PKNOX2: variants seen among roughly 807,000 people sequenced by gnomAD.
The protein encoded by PKNOX2 is PBX/knotted 1 homeobox 2.
A neutral mutation model predicts 53.1 loss-of-function variants in PKNOX2; 14 were observed. That is an observed-to-expected ratio of 0.26 (90% CI 0.17 to 0.41). The LOEUF (loss-of-function observed/expected upper bound fraction) is 0.41, where lower values mean the gene tolerates loss of function less well. PKNOX2 is among the 10% of genes least tolerant of loss of function. The pLI, the probability that PKNOX2 is intolerant of heterozygous loss-of-function variation, is 1.00. For missense variants in PKNOX2, 496 were observed against 602.8 expected (o/e 0.82, Z 1.85); for synonymous variants, 257 against 242.8 (o/e 1.06, Z -0.54).
chr11:125,176,253 C>T (rs1467103673), intron 1 of PKNOX2, among the ~76,000 whole-genome samples: 3 of 152,228 alleles, frequency 2.0e-5, no homozygotes, highest in Non-Finnish European at 4.4e-5. Flanking sequence ...AGGGGGTTGG[C>T]CTCTGCCAGG....
Position 125,306,592 on chromosome 11 carries a change from A to G in PKNOX2, c.-129-25227A>G, listed in dbSNP as rs78926232. ...GCATTAACATTAACATTTCCCAGAC[A>G]GTTATTGTGAGATAATGGTCCCAGC... is the stretch of plus-strand genomic sequence containing the variant. On this transcript the variant is annotated intron_variant, in intron 2 of 12. Transcript: ENST00000298282. Among the ~76,000 whole-genome samples, 792 of 152,358 alleles carry G rather than the reference A, an allele frequency of 5.2e-3. 4 individuals carry two copies. The highest frequency in any genetic ancestry group is 0.021 in the South Asian group (100 of 4,832).
chr11:125,324,120 CTTG>C (rs1949693080), intron 2 of PKNOX2, among the ~76,000 whole-genome samples: 1 of 152,094 alleles, frequency 6.6e-6, no homozygotes, highest in Non-Finnish European at 1.5e-5. Context: ...AAGAATTCTT[CTTG>C]TTTATTTCCC....
chr11:125,335,919 G>A (rs1950413220), intron 3 of PKNOX2, among the ~76,000 whole-genome samples: 1 of 152,178 alleles, frequency 6.6e-6, no homozygotes, highest in Non-Finnish European at 1.5e-5. Flanking sequence ...GGAAGTGGGT[G>A]CGTGGTCAGA....
intron 1 of PKNOX2, among the ~76,000 whole-genome samples, chr11:125,182,486 T>C (rs1028108443): frequency 3.3e-5 from 5 of 152,232 alleles, no homozygotes; most frequent in African/African-American, 9.6e-5. Context: ...ATGTCTTAAC[T>C]TGAGCCTCAG....
chr11:125,294,965 G>C (rs1180738677), intron 2 of PKNOX2, among the ~76,000 whole-genome samples: 1 of 152,170 alleles, frequency 6.6e-6, no homozygotes, highest in Non-Finnish European at 1.5e-5. Flanking sequence ...TTAGACATGA[G>C]AACCCACTTG....
At chr11:125,174,766 G>A (rs1453353954) in intron 1 of PKNOX2, among the ~76,000 whole-genome samples, 2 of 152,166 alleles carry the variant, frequency 1.3e-5, no homozygotes, top group Non-Finnish European at 2.9e-5. Flanking sequence ...AATCAGGCAG[G>A]AGAGCCTGGC....
chr11:125,168,763 G>C (rs189293370), intron 1 of PKNOX2, among the ~76,000 whole-genome samples: 1 of 152,204 alleles, frequency 6.6e-6, no homozygotes, highest in Non-Finnish European at 1.5e-5. Flanking sequence ...AACGTGCAAC[G>C]TAAACAGCAG....
chr11:125,425,553 TC>T (rs1418589411), intron 10 of PKNOX2, among the ~76,000 whole-genome samples: 2 of 151,620 alleles, frequency 1.3e-5, no homozygotes, highest in Non-Finnish European at 2.9e-5. Context: ...TTTGCCGTGA[TC>T]CAATAACGAT....
chr11:125,234,967 T>G (rs892477344), intron 1 of PKNOX2, 78 bp from the exon 2 acceptor site: 8 of 152,656 alleles, frequency 5.2e-5, no homozygotes, highest in Admixed American at 2.6e-4. Context: ...CACCTCTGGG[T>G]TTACCCCCTT....
rs1956732164 is a variant in PKNOX2, at chr11:125,432,188, T to A, written c.*796T>A. On this transcript the variant is annotated 3_prime_UTR_variant, in exon 13 of 13. Coordinates refer to ENST00000298282, the MANE Select transcript of PKNOX2 (RefSeq NM_001382323.2). ...GGGCTAGGAACCATATGGAGGTGACTTTGAGGCCACAGCTGTCCCTAGGTG... is the reference window on the plus strand; with the variant it reads ...GGGCTAGGAACCATATGGAGGTGACATTGAGGCCACAGCTGTCCCTAGGTG... 1 of 152,286 alleles carries A rather than the reference T, an allele frequency of 6.6e-6. No homozygotes were observed. Among genetic ancestry groups the A allele is most frequent in the Admixed American group, 6.5e-5 (1 of 15,282 alleles). 9.4% of individuals were successfully genotyped at this position (152,286 alleles called of 1,614,324 possible).
intron 1 of PKNOX2, among the ~76,000 whole-genome samples, chr11:125,197,616 G>C (rs664434): frequency 0.24 from 36,101 of 152,070 alleles, 4,695 homozygotes; most frequent in Admixed American, 0.33. Flanking sequence ...AACAACACAG[G>C]TCTGCCTCAA....
At chr11:125,380,316 C>T (rs920449913) in intron 5 of PKNOX2, among the ~76,000 whole-genome samples, 1 of 152,148 alleles carries the variant, frequency 6.6e-6, no homozygotes, top group Non-Finnish European at 1.5e-5. Context: ...TTGTTCTGCA[C>T]TGACGAGGCT....
rs549644060 is a variant in PKNOX2, at chr11:125,422,837, T to G, written c.937-6175T>G. Among the ~76,000 whole-genome samples the G allele has an allele frequency of 6.6e-6, 1 of 152,188 alleles. No individual in the cohort carries two copies. The highest frequency in any genetic ancestry group is 1.9e-4 in the East Asian group (1 of 5,178). ...AGGAAATAAAACCCATTTGAAAAAA[T>G]GAGCGTATTTGTATGCTCACAGAAG... is the stretch of plus-strand genomic sequence containing the variant. On this transcript the variant is annotated intron_variant, in intron 10 of 12. Transcript: ENST00000298282. This position sits in a 1 kb window ranked among gnomAD's most constrained non-coding sequence, Gnocchi z 4.1.
intron 7 of PKNOX2, among the ~76,000 whole-genome samples, chr11:125,401,881 G>A (rs1954778566): frequency 6.6e-6 from 1 of 152,176 alleles, no homozygotes; most frequent in Non-Finnish European, 1.5e-5. Flanking sequence ...CTGGCCTGGG[G>A]AGGGGTGTCT....
chr11:125,219,006 C>G (rs749457046), intron 1 of PKNOX2, among the ~76,000 whole-genome samples: 2 of 152,124 alleles, frequency 1.3e-5, no homozygotes, highest in Admixed American at 1.3e-4. Context: ...ACACCCATGT[C>G]CAGGCTGGCA....
chr11:125,167,574 C>T (rs978700454), intron 1 of PKNOX2, among the ~76,000 whole-genome samples: 8 of 152,082 alleles, frequency 5.3e-5, no homozygotes, highest in African/African-American at 1.2e-4. Flanking sequence ...AGGGGGTTAC[C>T]GGAGGGAGAT....
rs1416809714 is a variant in PKNOX2, at chr11:125,410,837, A to G, written c.777A>G (p.Gln259=). 6.2e-7 allele frequency: 1 copy of G among 1,614,026 alleles called. No homozygotes were observed. The highest frequency in any genetic ancestry group is 2.2e-5 in the East Asian group (1 of 44,862). The change falls in exon 9 of 13, where the codon CAA becomes CAG. Residue 259 remains glutamine, a synonymous_variant. Coordinates refer to ENST00000298282, the MANE Select transcript of PKNOX2 (RefSeq NM_001382323.2). ...MVTSQGQVVT[Q]AIPQGAIQIQ... is the part of the protein sequence containing the mutation. ...CCTCCCAGGGTCAGGTGGTCACCCA[A>G]GCAATCCCCCAGGGAGCCATCCAGA...
At chr11:125,401,582 T>G (rs925900004) in intron 7 of PKNOX2, among the ~76,000 whole-genome samples, 4 of 152,186 alleles carry the variant, frequency 2.6e-5, no homozygotes, top group Non-Finnish European at 5.9e-5. Flanking sequence ...ACACGTCTCT[T>G]AAGCCTTCCC....
At chr11:125,284,270 C>T (rs368891684) in intron 2 of PKNOX2, among the ~76,000 whole-genome samples, 1 of 152,206 alleles carries the variant, frequency 6.6e-6, no homozygotes, top group Admixed American at 6.5e-5. Context: ...TGGGCTGTCC[C>T]ACTAGGGCAG....
Sources: gnomAD v4.1 joint callset for allele counts (sites outside exome capture counted in the v4.1 genomes callset) on GRCh38, gnomAD v4.1.1 for gene constraint, Gnocchi (gnomAD v3.1) non-coding constraint, MANE v1.5 for transcripts, NCBI Gene and HGNC (gene_info 2026-07-23, HGNC 2026-07-21) for gene names.